Variants in CNTN5 observed in about 807,000 individuals in gnomAD.
CNTN5 encodes the protein contactin 5, also known as contactin-5.
Under a neutral mutation model 129.1 loss-of-function variants are expected in CNTN5, and 77 were observed. That is an observed-to-expected ratio of 0.60 (90% CI 0.50 to 0.72). The LOEUF is 0.72. Among genes scored for constraint, CNTN5 ranks in the 30% least tolerant of loss-of-function variants. The pLI, the probability that CNTN5 is intolerant of heterozygous loss-of-function variation, is 0.00. For missense variants in CNTN5, 1,478 were observed against 1,328.8 expected (o/e 1.11, Z -1.75); for synonymous variants, 509 against 465.6 (o/e 1.09, Z -1.20).
At chr11:100,341,273 T>C in intron 23 of CNTN5, 68 bp downstream of exon 23, 1 of 1,177,200 alleles carries the variant, frequency 8.5e-7, no homozygotes, top group South Asian at 1.2e-5. Context: ...GATGGAAAAT[T>C]AATAAGGCAT....
intron 18 of CNTN5, among the ~76,000 whole-genome samples, chr11:100,286,004 T>G (rs1322675098): frequency 2.0e-5 from 3 of 152,212 alleles, no homozygotes; most frequent in Non-Finnish European, 2.9e-5. Flanking sequence ...CAGACGCACC[T>G]GGAAAATCGG....
At chr11:99,559,298 T>C (rs534103297) in intron 3 of CNTN5, among the ~76,000 whole-genome samples, 26 of 152,166 alleles carry the variant, frequency 1.7e-4, no homozygotes, top group African/African-American at 5.3e-4. Context: ...AATACCCTGA[T>C]TGTATTCCAT....
intron 3 of CNTN5, among the ~76,000 whole-genome samples, chr11:99,724,814 T>C (rs905151323): frequency 2.0e-5 from 3 of 152,222 alleles, no homozygotes; most frequent in Non-Finnish European, 4.4e-5. Flanking sequence ...CCTTGTGTTA[T>C]CTGGCTGTTT....
chr11:99,397,201 G>A (rs976243246), intron 2 of CNTN5, among the ~76,000 whole-genome samples: 2 of 151,726 alleles, frequency 1.3e-5, no homozygotes, highest in Non-Finnish European at 3.0e-5. Context: ...TTTGTCTGAT[G>A]TTTTTCCATG....
At chr11:100,308,764 G>T in intron 21 of CNTN5, 3 of 1,015,604 alleles carry the variant, frequency 3.0e-6, no homozygotes, top group Admixed American at 5.7e-5. Flanking sequence ...CCAATTTACT[G>T]GTCATTTTAA....
intron 1 of CNTN5, among the ~76,000 whole-genome samples, chr11:99,032,175 AT>A (rs1371824457): frequency 2.0e-5 from 3 of 151,984 alleles, no homozygotes; most frequent in African/African-American, 7.3e-5. Context: ...ATTGTTGGAC[AT>A]TTGGGTTGGT....
chr11:99,751,017 G>A (rs1003389794), intron 3 of CNTN5, among the ~76,000 whole-genome samples: 3 of 152,178 alleles, frequency 2.0e-5, no homozygotes, highest in East Asian at 3.9e-4. Flanking sequence ...CTCCTTCAGT[G>A]TGAAGGAAGT....
At chr11:100,238,459 G>A (rs1186752123) in intron 16 of CNTN5, among the ~76,000 whole-genome samples, 12 of 139,120 alleles carry the variant, frequency 8.6e-5, no homozygotes, top group Non-Finnish European at 1.7e-4. Flanking sequence ...AGGCGAAAGA[G>A]AAGAGGGAAA....
chr11:99,551,747 C>A (rs1025549416), intron 2 of CNTN5, among the ~76,000 whole-genome samples: 2 of 151,864 alleles, frequency 1.3e-5, no homozygotes, highest in African/African-American at 4.8e-5. Flanking sequence ...ATAATGTAGG[C>A]AATTATAACA....
At chr11:99,168,220 A>T (rs568141481) in intron 1 of CNTN5, among the ~76,000 whole-genome samples, 1 of 152,162 alleles carries the variant, frequency 6.6e-6, no homozygotes, top group Non-Finnish European at 1.5e-5. Context: ...CTGGAATTAC[A>T]GGAGTGAGTC....
rs555530648 is a variant in CNTN5 at position 100,049,411 on chromosome 11, T to A, written c.981-11801T>A. ...TAAATAAACTAGTATAAGACTAAAA[T>A]GAAATACTAAAAACTAATAAAAATA... On this transcript the variant is annotated intron_variant, in intron 9 of 24. Transcript: ENST00000524871. Among the ~76,000 whole-genome samples, 15 of 151,600 alleles carry A rather than the reference T, an allele frequency of 9.9e-5. No homozygotes were observed. The South Asian group carries it at 1.0e-3, about 11-fold the overall frequency.
At position 99,702,405 on chromosome 11, in the gene CNTN5, G is replaced by T. The variant is rs1289251242; in HGVS notation, c.56-117139G>T. On this transcript the variant is annotated intron_variant, in intron 3 of 24. Transcript: ENST00000524871. ...TCAACCTATTGGCAATAAAATATCAGGTGTTAAAAAATGAATAAAATGTTG... is the reference window on the plus strand; with the variant it reads ...TCAACCTATTGGCAATAAAATATCATGTGTTAAAAAATGAATAAAATGTTG... Among the ~76,000 whole-genome samples the T allele has an allele frequency of 2.7e-5, 4 of 150,856 alleles. No homozygotes were observed. In the East Asian group the frequency reaches 7.8e-4, roughly 29 times the overall value.
At chr11:99,870,394 T>A (rs914809073) in intron 6 of CNTN5, among the ~76,000 whole-genome samples, 1 of 152,120 alleles carries the variant, frequency 6.6e-6, no homozygotes, top group African/African-American at 2.4e-5. Flanking sequence ...AATAATATAA[T>A]ATAAATAATA....
At chr11:99,571,052 T>C (rs1211984677) in intron 3 of CNTN5, among the ~76,000 whole-genome samples, 1 of 151,918 alleles carries the variant, frequency 6.6e-6, no homozygotes, top group Non-Finnish European at 1.5e-5. Context: ...TGATAGGTGG[T>C]GAAATAATGA....
chr11:100,009,239 C>A (rs569541831), intron 9 of CNTN5, among the ~76,000 whole-genome samples: 1 of 152,164 alleles, frequency 6.6e-6, no homozygotes, highest in South Asian at 2.1e-4. Context: ...GCTGCTGGAG[C>A]AGAACTCAAC....
chr11:100,340,617 G>A lies in CNTN5; in HGVS notation c.2885G>A (p.Ser962Asn). ...AYNGAGYGPP[S>N]SEVSATTKKS... ...AATGGAGCTGGATATGGGCCACCTAGCAGTGAAGTGAGTGCAACCACCAAG... is the reference window on the plus strand; with the variant it reads ...AATGGAGCTGGATATGGGCCACCTAACAGTGAAGTGAGTGCAACCACCAAG... The change falls in exon 22 of 25, where the codon AGC (serine) becomes AAC (asparagine). Residue 962 changes from serine (S) to asparagine (N), a missense_variant. Coordinates refer to ENST00000524871, the MANE Select transcript of CNTN5 (RefSeq NM_014361.4). 1 of 1,608,228 alleles carries A rather than the reference G, an allele frequency of 6.2e-7. No individual in the cohort carries two copies. Among genetic ancestry groups the A allele is most frequent in the Non-Finnish European group, 8.5e-7 (1 of 1,178,010 alleles).
At chr11:99,310,867 C>G (rs1865083312) in intron 1 of CNTN5, among the ~76,000 whole-genome samples, 1 of 152,044 alleles carries the variant, frequency 6.6e-6, no homozygotes, top group Non-Finnish European at 1.5e-5. Flanking sequence ...TTTTCTGTGT[C>G]TATTAAGATG....
intron 13 of CNTN5, among the ~76,000 whole-genome samples, chr11:100,105,138 T>C (rs1945377542): frequency 6.6e-6 from 1 of 152,198 alleles, no homozygotes; most frequent in African/African-American, 2.4e-5. Flanking sequence ...GCTTAACTTA[T>C]TCAAAGCGAT....
chr11:99,619,895 G>A (rs922852885), intron 3 of CNTN5, among the ~76,000 whole-genome samples: 2 of 151,596 alleles, frequency 1.3e-5, no homozygotes, highest in African/African-American at 4.8e-5. Context: ...GCATGGTGGC[G>A]GGCGCCTGTA....
Sources: allele counts gnomAD v4.1 joint callset (sites outside exome capture counted in the v4.1 genomes callset), GRCh38; gene constraint gnomAD v4.1.1; transcripts MANE v1.5; gene names NCBI Gene and HGNC (gene_info 2026-07-23, HGNC 2026-07-21).